The following NCOR2 variants were observed in gnomAD, a reference collection of about 807,000 sequenced individuals.
The protein encoded by NCOR2 is CTG repeat protein 26.
A neutral mutation model predicts 262.9 loss-of-function variants in NCOR2; 81 were observed. The ratio of observed to expected loss-of-function variants is 0.31; its 90% CI spans 0.26 to 0.37. The LOEUF (loss-of-function observed/expected upper bound fraction) is 0.37, where lower values mean the gene tolerates loss of function less well. Ranked by LOEUF, NCOR2 falls within the 10% of genes least tolerant of loss-of-function variation. The pLI is 1.00. For synonymous variants in NCOR2, 1,659 were observed against 1,559.3 expected, an observed-to-expected ratio of 1.06 and a Z score of -1.51; for missense variants, 3,385 against 3,621.4, an observed-to-expected ratio of 0.93 and a Z score of 1.68.
In NCOR2 at chr12:124,354,395, C is replaced by G. The variant is rs2037776882; in HGVS notation, c.3589+83G>C. ...CAGACCCTCTGGGAGATGACACTTCCCAGCAGGTTTTGAATAAAGGGCCCT... is the reference window on the plus strand; with the variant it reads ...CAGACCCTCTGGGAGATGACACTTCGCAGCAGGTTTTGAATAAAGGGCCCT... On this transcript the variant is annotated intron_variant, in intron 26 of 46. Transcript: ENST00000405201. The G allele has an allele frequency of 1.1e-5, 15 of 1,309,712 alleles. No homozygotes were observed. The South Asian group carries it at 2.1e-4, about 18-fold the overall frequency. 81.1% of individuals were successfully genotyped at this position (1,309,712 alleles called of 1,614,324 possible).
At chr12:124,401,862 CCT>C (rs1472981128) in intron 14 of NCOR2, among the ~76,000 whole-genome samples, 1 of 152,218 alleles carries the variant, frequency 6.6e-6, no homozygotes, top group Non-Finnish European at 1.5e-5. Flanking sequence ...GTGCCGCCCC[CCT>C]TTCTCCAGCT....
At chr12:124,391,438 A>G (rs1486409121) in intron 16 of NCOR2, among the ~76,000 whole-genome samples, 2 of 152,068 alleles carry the variant, frequency 1.3e-5, no homozygotes, top group African/African-American at 4.8e-5. Context: ...TTGGGAGGAA[A>G]AGAACCCAGC....
At chr12:124,533,719 G>A (rs773888039) in intron 1 of NCOR2, among the ~76,000 whole-genome samples, 7 of 152,082 alleles carry the variant, frequency 4.6e-5, no homozygotes, top group South Asian at 4.1e-4. Context: ...GCTTAACCAC[G>A]GGGACACGTT....
At chr12:124,350,470 C>T in intron 28 of NCOR2, 117 bp downstream of exon 30, 1 of 1,368,050 alleles carries the variant, frequency 7.3e-7, no homozygotes, top group South Asian at 1.4e-5. Flanking sequence ...AGGAGGTCAC[C>T]ACCTATCAGA....
At chr12:124,451,039 C>T (rs757446915) in intron 6 of NCOR2, among the ~76,000 whole-genome samples, 41 of 152,264 alleles carry the variant, frequency 2.7e-4, no homozygotes, top group Admixed American at 4.6e-4. Flanking sequence ...TCCCTGTAAC[C>T]ACCCATGACC....
intron 5 of NCOR2, among the ~76,000 whole-genome samples, chr12:124,463,955 G>T (rs1156266110): frequency 6.6e-6 from 1 of 151,630 alleles, no homozygotes; most frequent in African/African-American, 2.4e-5. Context: ...CTGCCGTGTG[G>T]TGAGCACTGT....
exon 47 of NCOR2, chr12:124,325,091 C>T (rs560870833): frequency 4.0e-5 from 10 of 251,514 alleles, no homozygotes; most frequent in South Asian, 3.4e-4. Flanking sequence ...GGTCCCTGGC[C>T]GCCCTGGCCG....
At chr12:124,359,108 A>G (rs749156866) in intron 22 of NCOR2, among the ~76,000 whole-genome samples, 7 of 152,210 alleles carry the variant, frequency 4.6e-5, no homozygotes, top group Non-Finnish European at 8.8e-5. Context: ...CCCGGGGCTC[A>G]GGCCTGGCTT....
chr12:124,353,080 G>A (rs998838006), intron 27 of NCOR2, among the ~76,000 whole-genome samples: 3 of 152,210 alleles, frequency 2.0e-5, no homozygotes, highest in African/African-American at 7.2e-5. Context: ...TTGGCAGCTG[G>A]CTGTCTGCCA....
At chr12:124,450,456 T>G (rs1343366541) in intron 6 of NCOR2, among the ~76,000 whole-genome samples, 2 of 152,154 alleles carry the variant, frequency 1.3e-5, no homozygotes, top group Non-Finnish European at 2.9e-5. Flanking sequence ...CCGACCCCCA[T>G]GCTCCTGCAG....
intron 3 of NCOR2, among the ~76,000 whole-genome samples, chr12:124,478,824 C>G (rs1147287): frequency 0.96 from 145,945 of 152,204 alleles, 70,156 homozygotes; most frequent in East Asian, 1. Flanking sequence ...CACACACAAA[C>G]AGAAAGAGAT....
chr12:124,335,290 G>A lies in NCOR2; in HGVS notation c.6266-10C>T. 1 of 1,581,710 alleles carries A rather than the reference G, an allele frequency of 6.3e-7. No individual in the cohort carries two copies. Among genetic ancestry groups the A allele is most frequent in the South Asian group, 1.1e-5 (1 of 88,092 alleles). On this transcript the variant is annotated splice_polypyrimidine_tract_variant and intron_variant, in intron 39 of 46. Coordinates refer to ENST00000405201, the Ensembl canonical transcript of NCOR2. ...CCAAGCTTCACGGGGCCTGCAGGCAGAGCAGAGCTGGTCAGGGGGTGTCTG... is the reference window on the plus strand; with the variant it reads ...CCAAGCTTCACGGGGCCTGCAGGCAAAGCAGAGCTGGTCAGGGGGTGTCTG...
chr12:124,330,972 C>T (rs1328910921), intron 43 of NCOR2, 74 bp from the exon 46 acceptor site: 3 of 1,492,778 alleles, frequency 2.0e-6, no homozygotes, highest in Non-Finnish European at 2.7e-6. Flanking sequence ...CCCGTGTGGT[C>T]CAGGCCAGGT....
At chr12:124,384,601 T>C (rs1334930800) in intron 17 of NCOR2, among the ~76,000 whole-genome samples, 1 of 152,120 alleles carries the variant, frequency 6.6e-6, no homozygotes, top group Non-Finnish European at 1.5e-5. Flanking sequence ...AAGGATGTCC[T>C]TAAATTCTGC....
intron 20 of NCOR2, among the ~76,000 whole-genome samples, chr12:124,366,760 C>T (rs532307254): frequency 6.6e-6 from 1 of 152,284 alleles, no homozygotes; most frequent in East Asian, 1.9e-4. Context: ...TCAAGCTATC[C>T]TCCTGCTTTA....
At chr12:124,344,923 G>A (rs1205820050) in exon 32 of NCOR2, 7 of 1,563,750 alleles carry the variant, frequency 4.5e-6, no homozygotes, top group Middle Eastern at 1.7e-4. Flanking sequence ...AGTGGTGGAC[G>A]CGCCGGTGTC....
intron 4 of NCOR2, 68 bp downstream of exon 6, chr12:124,472,884 C>A: frequency 6.3e-7 from 1 of 1,596,618 alleles, no homozygotes; most frequent in Admixed American, 1.7e-5. Context: ...ATGTCTGTGA[C>A]ACCGCTGTCA....
Position 124,325,381 on chromosome 12 carries a change from C to CA in NCOR2, c.*20_*21insT, listed in dbSNP as rs1593050967. 4 of 380,684 alleles carry CA rather than the reference C, an allele frequency of 1.1e-5. No individual in the cohort carries two copies. In the African/African-American group the frequency reaches 1.1e-4, roughly 10 times the overall value. The allele number at this position is 380,684 out of a possible 1,614,324, so 23.6% of individuals were successfully genotyped here. A position where few individuals can be genotyped will look rare whatever the true frequency, so the allele number is the denominator to read the frequency against. ...GGCTCGCTGGGACCTGACACCGCCC[C>CA]CCCCCCCGCCCTGTTCTGAGTCACT... is the stretch of plus-strand genomic sequence containing the variant. On this transcript the variant is annotated 3_prime_UTR_variant, in exon 47 of 47. Transcript: ENST00000405201.
chr12:124,563,627 T>C (rs1374905292), intron 1 of NCOR2, among the ~76,000 whole-genome samples: 1 of 152,236 alleles, frequency 6.6e-6, no homozygotes, highest in Non-Finnish European at 1.5e-5. Flanking sequence ...TGGAGCACCA[T>C]GCTAAATAAT....
Sources: gnomAD v4.1 joint callset for allele counts (sites outside exome capture counted in the v4.1 genomes callset) on GRCh38, gnomAD v4.1.1 for gene constraint, MANE v1.5 for transcripts, NCBI Gene and HGNC (gene_info 2026-07-23, HGNC 2026-07-21) for gene names.